The following REV1 variants were observed in gnomAD, a reference collection of about 807,000 sequenced individuals.
The protein encoded by REV1 is REV1 DNA directed polymerase.
REV1 carries 42 observed loss-of-function variants against 137.4 expected under a neutral mutation model. The observed-to-expected ratio is 0.31, with a 90% CI of 0.24 to 0.40. REV1 has a LOEUF of 0.40. Ranked by LOEUF, REV1 falls within the 10% of genes least tolerant of loss-of-function variation. The pLI, the probability that REV1 is intolerant of heterozygous loss-of-function variation, is 1.00. For missense variants in REV1, 1,282 were observed against 1,490.1 expected (o/e 0.86, Z 2.30); for synonymous variants, 524 against 519.2 (o/e 1.01, Z -0.12).
intron 1 of REV1, among the ~76,000 whole-genome samples, chr2:99,473,979 A>G (rs1440996142): frequency 4.6e-5 from 7 of 152,214 alleles, no homozygotes; most frequent in Admixed American, 4.6e-4. Context: ...TTCTTGCTCT[A>G]TTTATAAAAG....
rs199998707 is a variant in REV1 at position 99,416,944 on chromosome 2, C to A, written c.1951+1884G>T. Among the ~76,000 whole-genome samples the A allele has an allele frequency of 8.9e-5, 12 of 134,232 alleles. No homozygotes were observed. In the East Asian group the frequency reaches 1.6e-3, roughly 18 times the overall value. 88.1% of individuals were successfully genotyped at this position (134,232 alleles called of 152,430 possible). Reference sequence around the variant, plus strand: ...AAAAAAAAAAAAAAAGAAATAAAGTCTTTCCAGCCAGGAAGCAAATGAAGG... The same window carrying A: ...AAAAAAAAAAAAAAAGAAATAAAGTATTTCCAGCCAGGAAGCAAATGAAGG... On this transcript the variant is annotated intron_variant, in intron 12 of 22. Transcript: ENST00000258428.
intron 4 of REV1, 45 bp from the exon 5 acceptor site, chr2:99,442,514 C>A: frequency 6.4e-7 from 1 of 1,553,692 alleles, no homozygotes; most frequent in Non-Finnish European, 8.8e-7. Flanking sequence ...TACTTGGTGA[C>A]AATGAGCTTC....
chr2:99,406,724 T>C (rs944395989), intron 15 of REV1: 3 of 334,798 alleles, frequency 9.0e-6, no homozygotes, highest in Admixed American at 9.5e-5. Context: ...TCTCCCAAAA[T>C]ATACCAAAAG....
intron 22 of REV1, among the ~76,000 whole-genome samples, chr2:99,401,775 A>AT (rs28745280): frequency 1.6e-4 from 25 of 151,648 alleles, no homozygotes; most frequent in African/African-American, 5.6e-4. Context: ...GAACACTCAA[A>AT]TTTTTTTTTA....
In REV1 at chr2:99,429,894, C is replaced by T. The variant is rs144046214; in HGVS notation, c.1493G>A (p.Gly498Glu). The T allele has an allele frequency of 3.2e-5, 51 of 1,604,476 alleles. 1 individual carries two copies. In the African/African-American group the frequency reaches 6.4e-4, roughly 20 times the overall value. The part of the protein sequence containing the change: ...WENPDSAQAN[G>E]IDSVLSRAEI... ...AGCCCTTGACAAAACAGAATCAATT[C>T]CATTTGCTTGCGCAGAATCTGGATT... Residue 498 changes from glycine to glutamate, a missense_variant, in exon 9 of 23, where the codon GGA becomes GAA. Gly to Glu is a moderately conservative substitution (Grantham distance 98). Coordinates refer to ENST00000258428, the MANE Select transcript of REV1 (RefSeq NM_016316.4).
intron 1 of REV1, among the ~76,000 whole-genome samples, chr2:99,470,494 TAAAGA>T (rs1241966544): frequency 3.9e-5 from 6 of 152,234 alleles, no homozygotes; most frequent in Non-Finnish European, 8.8e-5. Flanking sequence ...CTAGCCGTAA[TAAAGA>T]AATCAATGTA....
At chr2:99,437,186 T>C (rs1680874988) in intron 6 of REV1, among the ~76,000 whole-genome samples, 1 of 151,798 alleles carries the variant, frequency 6.6e-6, no homozygotes, top group Non-Finnish European at 1.5e-5. Context: ...TCTCACTGTG[T>C]TGCCCAGGTT....
At chr2:99,467,721 T>C (rs1436753855) in intron 1 of REV1, among the ~76,000 whole-genome samples, 3 of 152,198 alleles carry the variant, frequency 2.0e-5, no homozygotes, top group Non-Finnish European at 4.4e-5. Flanking sequence ...GCAGAAACTG[T>C]ATTCATTATT....
At chr2:99,411,544 T>C (rs1368012363) in intron 13 of REV1, among the ~76,000 whole-genome samples, 1 of 151,272 alleles carries the variant, frequency 6.6e-6, no homozygotes, top group African/African-American at 2.4e-5. Context: ...GTAGCTAGGA[T>C]TGCAGGCGCC....
At chr2:99,406,184 A>G (rs867789666) in intron 16 of REV1, 78 bp from the exon 17 acceptor site, 20 of 1,404,770 alleles carry the variant, frequency 1.4e-5, no homozygotes, top group Middle Eastern at 3.7e-4. Context: ...TTACAAATAA[A>G]AAAACTTTAT....
intron 3 of REV1, among the ~76,000 whole-genome samples, chr2:99,452,705 G>C (rs1683067342): frequency 6.6e-6 from 1 of 152,222 alleles, no homozygotes; most frequent in South Asian, 2.1e-4. Context: ...TGCTCAGTGA[G>C]TATTTGCTAA....
chr2:99,453,485 A>G (rs1262709032), intron 3 of REV1, among the ~76,000 whole-genome samples: 1 of 152,200 alleles, frequency 6.6e-6, no homozygotes, highest in Non-Finnish European at 1.5e-5. Flanking sequence ...CACACAAAAC[A>G]TTAAATTTTG....
At chr2:99,439,712 TG>T (rs1681232149) in intron 5 of REV1, among the ~76,000 whole-genome samples, 1 of 152,234 alleles carries the variant, frequency 6.6e-6, no homozygotes, top group South Asian at 2.1e-4. Flanking sequence ...ATCTATAAGC[TG>T]TAAATACCCA....
At chr2:99,473,355 G>A (rs533424722) in intron 1 of REV1, among the ~76,000 whole-genome samples, 19 of 132,950 alleles carry the variant, frequency 1.4e-4, no homozygotes, top group African/African-American at 5.3e-4. Flanking sequence ...GCGACAGAGC[G>A]AGACTGTCTC....
At chr2:99,472,509 T>C (rs1685531073) in intron 1 of REV1, among the ~76,000 whole-genome samples, 2 of 152,212 alleles carry the variant, frequency 1.3e-5, no homozygotes, top group Admixed American at 6.5e-5. Context: ...GTTAAAATGG[T>C]AAACTTTTAT....
chr2:99,462,761 A>G, intron 2 of REV1, 139 bp from the exon 3 acceptor site: 1 of 856,938 alleles, frequency 1.2e-6, no homozygotes, highest in Non-Finnish European at 1.8e-6. Context: ...ATGACCTCAT[A>G]AACATAAACC....
chr2:99,421,700 C>T (rs1678707764), intron 10 of REV1, 47 bp from the exon 11 acceptor site: 1 of 1,576,928 alleles, frequency 6.3e-7, no homozygotes, highest in Admixed American at 1.8e-5. Flanking sequence ...CAGCCACCAT[C>T]TGGTAGACCC....
At chr2:99,412,606 C>G in intron 13 of REV1, 125 bp downstream of exon 13, 1 of 741,614 alleles carries the variant, frequency 1.3e-6, no homozygotes, top group Non-Finnish European at 2.3e-6. Flanking sequence ...TCTTAAGGCT[C>G]TGGGGATACA....
At chr2:99,410,524 T>A (rs1676987479) in intron 14 of REV1, among the ~76,000 whole-genome samples, 171 bp downstream of exon 14, 1 of 152,214 alleles carries the variant, frequency 6.6e-6, no homozygotes, top group African/African-American at 2.4e-5. Flanking sequence ...TGAAACCAAG[T>A]GCATTAACCT....
Sources: allele counts gnomAD v4.1 joint callset (sites outside exome capture counted in the v4.1 genomes callset), GRCh38; gene constraint gnomAD v4.1.1; transcripts MANE v1.5; gene names NCBI Gene and HGNC (gene_info 2026-07-23, HGNC 2026-07-21).